RNGTT: variants seen among roughly 807,000 people sequenced by gnomAD.
RNGTT encodes the protein mRNA-capping enzyme.
Under a neutral mutation model 79.3 loss-of-function variants are expected in RNGTT, and 33 were observed. The observed-to-expected ratio is 0.42, with a 90% CI of 0.32 to 0.56. RNGTT has a LOEUF of 0.56. RNGTT is among the 20% of genes least tolerant of loss of function. The pLI is 0.17. For synonymous variants in RNGTT, 222 were observed against 235.9 expected (o/e 0.94, Z 0.54); for missense variants, 497 against 739.1 (o/e 0.67, Z 3.80).
At chr6:88,951,861 G>C (rs1158889270) in intron 1 of RNGTT, among the ~76,000 whole-genome samples, 1 of 152,102 alleles carries the variant, frequency 6.6e-6, no homozygotes, top group Non-Finnish European at 1.5e-5. Context: ...AGGGTCATGG[G>C]GGGAAAAAAG....
chr6:88,916,090 A>G (rs1783990557), intron 4 of RNGTT, among the ~76,000 whole-genome samples: 1 of 152,170 alleles, frequency 6.6e-6, no homozygotes, highest in Non-Finnish European at 1.5e-5. Flanking sequence ...AAAATAGCTA[A>G]AATTGAAAAG....
intron 8 of RNGTT, among the ~76,000 whole-genome samples, chr6:88,860,529 G>A (rs989568321): frequency 1.3e-5 from 2 of 152,226 alleles, no homozygotes; most frequent in Non-Finnish European, 2.9e-5. Context: ...GTCAGCAAGT[G>A]CTAATGGTGG....
chr6:88,740,087 G>A (rs565426415), intron 13 of RNGTT, among the ~76,000 whole-genome samples: 1 of 151,882 alleles, frequency 6.6e-6, no homozygotes, highest in Non-Finnish European at 1.5e-5. Flanking sequence ...TCAGAAGCAG[G>A]AAGAGAAAAT....
chr6:88,635,190 G>A (rs937889612), intron 14 of RNGTT, among the ~76,000 whole-genome samples: 4 of 152,072 alleles, frequency 2.6e-5, no homozygotes, highest in Non-Finnish European at 5.9e-5. Flanking sequence ...TTTGGGCTGT[G>A]TGTGTGCTTA....
At chr6:88,866,059 T>G (rs1782154934) in intron 8 of RNGTT, among the ~76,000 whole-genome samples, 1 of 152,120 alleles carries the variant, frequency 6.6e-6, no homozygotes, top group South Asian at 2.1e-4. Context: ...TAAAATCAAC[T>G]AACAGTTTGG....
chr6:88,929,890 A>G (rs1784435337), intron 2 of RNGTT, among the ~76,000 whole-genome samples: 1 of 151,126 alleles, frequency 6.6e-6, no homozygotes, highest in Admixed American at 6.6e-5. Context: ...ACACACATAT[A>G]TACATATGTA....
intron 2 of RNGTT, among the ~76,000 whole-genome samples, chr6:88,932,586 A>G (rs550361587): frequency 6.6e-6 from 1 of 151,806 alleles, no homozygotes; most frequent in Non-Finnish European, 1.5e-5. Context: ...TCTCTTTTGT[A>G]CTCTTTCCCT....
chr6:88,874,913 T>C lies in RNGTT; in HGVS notation c.896+15582A>G, dbSNP rs116785235. Reference sequence around the variant, plus strand: ...ATACAGTATCAAGTAATGCTCTTTATTAGCTCTTTAGTATCTCTTACTTAG... The same window carrying C: ...ATACAGTATCAAGTAATGCTCTTTACTAGCTCTTTAGTATCTCTTACTTAG... On this transcript the variant is annotated intron_variant, in intron 8 of 15. Coordinates refer to ENST00000369485, the MANE Select transcript of RNGTT (RefSeq NM_003800.5). 3.6e-3 allele frequency among the ~76,000 whole-genome samples: 543 copies of C among 152,254 alleles called. 6 individuals are homozygous for C. Among genetic ancestry groups the C allele is most frequent in the African/African-American group, 0.013 (528 of 41,568 alleles).
intron 11 of RNGTT, among the ~76,000 whole-genome samples, chr6:88,804,674 G>A (rs1421745164): frequency 6.6e-6 from 1 of 151,372 alleles, no homozygotes; most frequent in Non-Finnish European, 1.5e-5. Flanking sequence ...TATGTAATGT[G>A]TTTATTAAAT....
chr6:88,883,908 T>C (rs1286707813), intron 8 of RNGTT, among the ~76,000 whole-genome samples: 1 of 152,194 alleles, frequency 6.6e-6, no homozygotes, highest in African/African-American at 2.4e-5. Context: ...CTTAAACATA[T>C]GAGAGGATGT....
At position 88,929,887 on chromosome 6, in the gene RNGTT, T is replaced by TATATACATATATATAC. The variant is rs1409200557; in HGVS notation, c.175-621_175-620insGTATATATATGTATAT. On this transcript the variant is annotated intron_variant, in intron 2 of 15. Transcript: ENST00000369485. The stretch of plus-strand genomic sequence containing the variant: ...ACATATGCATATATACATACACACA[T>TATATACATATATATAC]ATATACATATGTATACATATGCATA... 2.7e-3 allele frequency among the ~76,000 whole-genome samples: 402 copies of TATATACATATATATAC among 150,692 alleles called. 5 individuals carry two copies. Among genetic ancestry groups the TATATACATATATATAC allele is most frequent in the African/African-American group, 9.5e-3 (391 of 40,984 alleles).
intron 13 of RNGTT, among the ~76,000 whole-genome samples, chr6:88,687,941 C>A (rs905519001): frequency 6.6e-6 from 1 of 151,782 alleles, no homozygotes; most frequent in African/African-American, 2.4e-5. Flanking sequence ...ATATACCAAA[C>A]GATCAATTAA....
At chr6:88,699,744 A>G (rs1775882321) in intron 13 of RNGTT, among the ~76,000 whole-genome samples, 1 of 152,230 alleles carries the variant, frequency 6.6e-6, no homozygotes, top group South Asian at 2.1e-4. Flanking sequence ...CCTTAAAAGG[A>G]ATGACATTCT....
At chr6:88,669,962 G>A (rs529447041) in intron 14 of RNGTT, among the ~76,000 whole-genome samples, 24 of 152,334 alleles carry the variant, frequency 1.6e-4, no homozygotes, top group Non-Finnish European at 2.8e-4. Flanking sequence ...GGATTATATG[G>A]TTCCAAGCTG....
intron 6 of RNGTT, among the ~76,000 whole-genome samples, chr6:88,898,552 T>C (rs1219675898): frequency 1.3e-5 from 2 of 151,880 alleles, no homozygotes; most frequent in Non-Finnish European, 2.9e-5. Flanking sequence ...AAAGGTTCTA[T>C]TTGCTTTCTC....
At chr6:88,778,629 G>A (rs1031970444) in intron 12 of RNGTT, among the ~76,000 whole-genome samples, 4 of 152,250 alleles carry the variant, frequency 2.6e-5, no homozygotes, top group South Asian at 4.1e-4. Flanking sequence ...TAGCTGAGAC[G>A]AAGGGTGCAA....
intron 13 of RNGTT, among the ~76,000 whole-genome samples, chr6:88,688,044 G>A (rs1295134970): frequency 6.6e-6 from 1 of 152,120 alleles, no homozygotes; most frequent in Non-Finnish European, 1.5e-5. Flanking sequence ...GGGACGAAAA[G>A]GAGCTAATTT....
intron 14 of RNGTT, among the ~76,000 whole-genome samples, chr6:88,672,432 T>C (rs1304682323): frequency 1.3e-5 from 2 of 152,178 alleles, no homozygotes; most frequent in African/African-American, 4.8e-5. Context: ...GAGACCATTA[T>C]TCTAAGTGAA....
chr6:88,738,296 G>A (rs1777351990), intron 13 of RNGTT, among the ~76,000 whole-genome samples: 1 of 152,094 alleles, frequency 6.6e-6, no homozygotes, highest in Admixed American at 6.6e-5. Flanking sequence ...CGGAAAGTAT[G>A]AGAAAATGTC....
Sources: gnomAD v4.1 joint callset for allele counts (sites outside exome capture counted in the v4.1 genomes callset) on GRCh38, gnomAD v4.1.1 for gene constraint, MANE v1.5 for transcripts, NCBI Gene and HGNC (gene_info 2026-07-23, HGNC 2026-07-21) for gene names.